The following CCDC43 variants were observed in gnomAD, a reference collection of about 807,000 sequenced individuals.
The protein encoded by CCDC43 is coiled-coil domain containing 43, also known as coiled-coil domain-containing protein 43.
A neutral mutation model predicts 33.3 loss-of-function variants in CCDC43; 20 were observed. The observed-to-expected ratio is 0.60, with a 90% CI of 0.42 to 0.87. CCDC43 has a LOEUF of 0.87. CCDC43 is among the 40% of genes least tolerant of loss of function. The probability of loss-of-function intolerance (pLI) is 0.00; values close to 1 mark genes in which losing one functional copy is unlikely to be tolerated. For synonymous variants in CCDC43, 104 were observed against 106.5 expected, an observed-to-expected ratio of 0.98 and a Z score of 0.14; for missense variants, 248 against 269.9, an observed-to-expected ratio of 0.92 and a Z score of 0.57.
intron 1 of CCDC43, among the ~76,000 whole-genome samples, chr17:44,687,100 G>A (rs1369197656): frequency 6.6e-6 from 1 of 151,990 alleles, no homozygotes; most frequent in African/African-American, 2.4e-5. Flanking sequence ...ACCACCCTGA[G>A]CAACATGGCA....
intron 1 of CCDC43, among the ~76,000 whole-genome samples, chr17:44,685,095 T>A (rs1972214876): frequency 6.6e-6 from 1 of 152,214 alleles, no homozygotes; most frequent in African/African-American, 2.4e-5. Flanking sequence ...CGATTATTAC[T>A]TATTATAGTC....
chr17:44,687,642 A>G (rs1271184589), intron 1 of CCDC43: 3 of 152,028 alleles, frequency 2.0e-5, no homozygotes, highest in Admixed American at 1.3e-4. Flanking sequence ...GTCTACCTTT[A>G]TCAACAGAAA....
At position 44,678,756 on chromosome 17, in the gene CCDC43, C is replaced by T; in HGVS notation, c.*100G>A. ...ACCATGTAAACAATAGGGGAAATGC[C>T]TTGGGAAACTACTTTGCAATGCACT... is the stretch of plus-strand genomic sequence containing the variant. On this transcript the variant is annotated 3_prime_UTR_variant, in exon 5 of 5. Coordinates refer to ENST00000315286, the MANE Select transcript of CCDC43 (RefSeq NM_144609.3). 1 of 1,206,266 alleles carries T rather than the reference C, an allele frequency of 8.3e-7. No individual in the cohort carries two copies. The highest frequency in any genetic ancestry group is 1.1e-6 in the Non-Finnish European group (1 of 876,170). 74.7% of individuals were successfully genotyped at this position (1,206,266 alleles called of 1,614,324 possible). A position where few individuals can be genotyped will look rare whatever the true frequency, so the allele number is the denominator to read the frequency against.
Position 44,689,645 on chromosome 17 carries a change from G to A in CCDC43, c.109C>T (p.Arg37Ter). Residue 37 changes from arginine (R) to a stop codon, truncating the protein, a stop_gained, in exon 1 of 5, where the codon CGA (arginine) becomes TGA (stop). Transcript: ENST00000315286. LOFTEE classifies it high-confidence loss of function. Reference sequence around the variant, plus strand: ...AAGATGTAGGCTCCATAAACGGCTCGGTCCACTCCCAGTGCCTCCAACCGT... The same window carrying A: ...AAGATGTAGGCTCCATAAACGGCTCAGTCCACTCCCAGTGCCTCCAACCGT... ...DGRLEALGVDRAVYGAYILGI... is the reference protein window; with the variant it reads ...DGRLEALGVD 6.2e-7 allele frequency: 1 copy of A among 1,613,840 alleles called. No homozygotes were observed. The highest frequency in any genetic ancestry group is 8.5e-7 in the Non-Finnish European group (1 of 1,179,850).
intron 1 of CCDC43, among the ~76,000 whole-genome samples, chr17:44,684,654 G>A (rs990190455): frequency 4.0e-5 from 6 of 150,946 alleles, no homozygotes; most frequent in Non-Finnish European, 5.9e-5. Context: ...CCGAGATCAC[G>A]CCACTGCACT....
Position 44,682,118 on chromosome 17 carries a change from T to C in CCDC43, c.313A>G (p.Thr105Ala). The change falls in exon 3 of 5, where the codon ACC becomes GCC. Residue 105 changes from threonine to alanine, a missense_variant. By Grantham distance (58) the Thr-to-Ala change is moderately conservative. Transcript: ENST00000315286. ...KKEDEVQAIA[T>A]LIEKQAQIVV... ...ATTTGTGCCTGCTTCTCAATTAGGG[T>C]GGCAATGGCCTGTACTTCATCTGGG... 6.2e-7 allele frequency: 1 copy of C among 1,613,932 alleles called. No individual in the cohort carries two copies. Among genetic ancestry groups the C allele is most frequent in the Non-Finnish European group, 8.5e-7 (1 of 1,179,870 alleles).
In CCDC43 at chr17:44,680,643, A is replaced by G; in HGVS notation, c.429T>C (p.Asp143=). The change falls in exon 4 of 5, where the codon GAT becomes GAC. Residue 143 remains aspartate, a splice_region_variant and synonymous_variant. Coordinates refer to ENST00000315286, the MANE Select transcript of CCDC43 (RefSeq NM_144609.3). ...CTGAATCATCCTTCTCATCTGCTTC[A>G]GTAAGTGATGTTAAGGAAAGTCAGA... is the stretch of plus-strand genomic sequence containing the variant. ...AQYADVTDEE[D]EADEKDDSGA... is the part of the protein sequence containing the mutation. The G allele has an allele frequency of 3.1e-6, 5 of 1,605,994 alleles. No homozygotes were observed. Among genetic ancestry groups the G allele is most frequent in the Non-Finnish European group, 4.3e-6 (5 of 1,173,256 alleles).
At chr17:44,687,577 T>A (rs867497486) in intron 1 of CCDC43, 14 of 150,634 alleles carry the variant, frequency 9.3e-5, no homozygotes, top group South Asian at 4.2e-4. Flanking sequence ...TGAGTTATGA[T>A]CACATTACTA....
intron 2 of CCDC43, among the ~76,000 whole-genome samples, chr17:44,683,140 A>G (rs973227607): frequency 2.6e-5 from 4 of 152,214 alleles, no homozygotes; most frequent in African/African-American, 9.6e-5. Flanking sequence ...TTACCATCCT[A>G]GTGGTGGGTA....
intron 4 of CCDC43, among the ~76,000 whole-genome samples, chr17:44,680,339 T>A (rs1323417818): frequency 6.6e-6 from 1 of 152,122 alleles, no homozygotes; most frequent in Admixed American, 6.6e-5. Flanking sequence ...GAGTATAGAT[T>A]TTTATTTTTC....
intron 3 of CCDC43, among the ~76,000 whole-genome samples, chr17:44,681,164 C>T (rs570982686): frequency 7.2e-5 from 11 of 152,264 alleles, no homozygotes; most frequent in African/African-American, 2.2e-4. Context: ...AGAGGCCAGG[C>T]GCGGTGGCTC....
chr17:44,686,154 C>A (rs1972232422), intron 1 of CCDC43, among the ~76,000 whole-genome samples: 1 of 152,210 alleles, frequency 6.6e-6, no homozygotes, highest in African/African-American at 2.4e-5. Context: ...ACCTCGTGAT[C>A]CGCCTGCCTT....
At chr17:44,687,435 CA>C (rs530234659) in intron 1 of CCDC43, among the ~76,000 whole-genome samples, 1,858 of 143,254 alleles carry the variant, frequency 0.013, 28 homozygotes, top group African/African-American at 0.041. Flanking sequence ...GACTTTGTCT[CA>C]AAAAATAAAA....
chr17:44,689,394 C>A (rs1972288459), intron 1 of CCDC43, 156 bp downstream of exon 1: 2 of 1,134,068 alleles, frequency 1.8e-6, no homozygotes, highest in African/African-American at 3.1e-5. Context: ...TGGGGAGCAA[C>A]CTCCTTCCCC....
At chr17:44,689,339 C>G (rs1393465307) in intron 1 of CCDC43, 2 of 640,858 alleles carry the variant, frequency 3.1e-6, no homozygotes, top group Non-Finnish European at 2.6e-6. Context: ...CGAGAAAGCC[C>G]TTCCTCTCTG....
chr17:44,685,306 C>CT (rs370492663), intron 1 of CCDC43, among the ~76,000 whole-genome samples: 36 of 152,314 alleles, frequency 2.4e-4, no homozygotes, highest in African/African-American at 8.7e-4. Context: ...AGGTTATCAA[C>CT]TTTCATGCTA....
At chr17:44,680,439 G>A (rs1246923324) in intron 4 of CCDC43, 146 bp downstream of exon 4, 2 of 603,922 alleles carry the variant, frequency 3.3e-6, no homozygotes, top group East Asian at 5.1e-5. Context: ...TGACTATCTA[G>A]GGCTGTCCTA....
intron 3 of CCDC43, among the ~76,000 whole-genome samples, chr17:44,681,174 C>T (rs1972154289): frequency 6.6e-6 from 1 of 152,214 alleles, no homozygotes; most frequent in African/African-American, 2.4e-5. Context: ...CGCGGTGGCT[C>T]ACGCTTGTAA....
At chr17:44,685,422 T>G (rs1347561294) in intron 1 of CCDC43, among the ~76,000 whole-genome samples, 3 of 152,236 alleles carry the variant, frequency 2.0e-5, no homozygotes, top group Non-Finnish European at 4.4e-5. Context: ...ATACATATTC[T>G]GCATACCAAC....
Sources: gnomAD v4.1 joint callset for allele counts (sites outside exome capture counted in the v4.1 genomes callset) on GRCh38, gnomAD v4.1.1 for gene constraint, MANE v1.5 for transcripts, NCBI Gene and HGNC (gene_info 2026-07-23, HGNC 2026-07-21) for gene names.